The following MTMR8 variants were observed in gnomAD, a reference collection of about 807,000 sequenced individuals.
MTMR8 encodes the protein phosphatidylinositol-3,5-bisphosphate 3-phosphatase MTMR8.
A neutral mutation model predicts 39.3 loss-of-function variants in MTMR8; 65 were observed. The ratio of observed to expected loss-of-function variants is 1.65; its 90% CI spans 1.35 to 2.03. MTMR8 has a LOEUF of 2.03. Among genes scored for constraint, MTMR8 ranks in the 30% most tolerant of loss-of-function variants. The pLI, the probability that MTMR8 is intolerant of heterozygous loss-of-function variation, is 0.00. For missense variants in MTMR8, 777 were observed against 538.9 expected, an observed-to-expected ratio of 1.44 and a Z score of -4.37; for synonymous variants, 245 against 185.2, an observed-to-expected ratio of 1.32 and a Z score of -2.62.
chrX:64,340,288 A>G (rs1173146423), intron 8 of MTMR8, among the ~76,000 whole-genome samples: 1 of 112,329 alleles, frequency 8.9e-6, no homozygotes, highest in Admixed American at 9.4e-5. Flanking sequence ...TGGAATTATA[A>G]AAAGTCCAAA....
chrX:64,269,328 A>T (rs914048967), intron 13 of MTMR8, among the ~76,000 whole-genome samples: 1 of 111,607 alleles, frequency 9.0e-6, no homozygotes, highest in East Asian at 2.8e-4. Flanking sequence ...AACATCACTA[A>T]TATTTATTGA....
chrX:64,389,947 G>A, intron 1 of MTMR8, among the ~76,000 whole-genome samples: 1 of 111,871 alleles, frequency 8.9e-6, no homozygotes, highest in South Asian at 3.8e-4. Flanking sequence ...TCACAGTGAA[G>A]CCAACTGGAG....
At chrX:64,304,860 T>TTATATATATATATATATATA (rs751399962) in intron 12 of MTMR8, among the ~76,000 whole-genome samples, 2 of 28,564 alleles carry the variant, frequency 7.0e-5, no homozygotes, top group Non-Finnish European at 8.7e-5. Flanking sequence ...GATCAAACAT[T>TTATATATATATATATATATA]TATATATATA....
intron 12 of MTMR8, among the ~76,000 whole-genome samples, chrX:64,318,928 G>T (rs943374630): frequency 2.7e-5 from 3 of 110,897 alleles, no homozygotes; most frequent in Admixed American, 9.6e-5. Context: ...TGATCCACCC[G>T]CCTTGGCCTT....
intron 1 of MTMR8, among the ~76,000 whole-genome samples, chrX:64,366,088 A>G: frequency 8.9e-6 from 1 of 112,250 alleles, no homozygotes; most frequent in Non-Finnish European, 1.9e-5. Flanking sequence ...CAATACGGGA[A>G]CACCCAGATT....
chrX:64,331,822 T>C (rs1922950535), intron 10 of MTMR8, 65 bp from the exon 11 acceptor site: 5 of 969,033 alleles, frequency 5.2e-6, no homozygotes, highest in Non-Finnish European at 5.8e-6. Flanking sequence ...CTGTTGGGAA[T>C]AGGCTGTAAG....
At chrX:64,320,391 C>T (rs1922604838) in intron 12 of MTMR8, among the ~76,000 whole-genome samples, 1 of 110,515 alleles carries the variant, frequency 9.0e-6, no homozygotes, top group African/African-American at 3.3e-5. Context: ...ATGTGGCTCG[C>T]TGCTGCAAGG....
chrX:64,329,661 C>A (rs745355347), intron 11 of MTMR8, among the ~76,000 whole-genome samples: 23 of 110,916 alleles, frequency 2.1e-4, no homozygotes, highest in Admixed American at 3.9e-4. Context: ...GCACACACAC[C>A]ATGTCAAAGG....
At chrX:64,348,580 A>T in intron 6 of MTMR8, 80 bp downstream of exon 6, 1 of 1,115,738 alleles carries the variant, frequency 9.0e-7, no homozygotes, top group South Asian at 2.0e-5. Context: ...AACTTTCCCA[A>T]TAACACTGCA....
At chrX:64,337,448 G>A in intron 8 of MTMR8, 55 bp from the exon 9 acceptor site, 1 of 1,168,693 alleles carries the variant, frequency 8.6e-7, no homozygotes, top group Non-Finnish European at 1.2e-6. Flanking sequence ...CAGCTTGTTG[G>A]ATTAAAGAGT....
intron 7 of MTMR8, among the ~76,000 whole-genome samples, chrX:64,343,935 A>G (rs1488499751): frequency 9.0e-6 from 1 of 110,981 alleles, no homozygotes; most frequent in Non-Finnish European, 1.9e-5. Context: ...TGTAGAACCC[A>G]CTCTCAAGCC....
intron 12 of MTMR8, among the ~76,000 whole-genome samples, chrX:64,313,945 A>G (rs1158864460): frequency 4.5e-5 from 5 of 111,912 alleles, no homozygotes; most frequent in African/African-American, 6.5e-5. Context: ...TGTCCTTTGG[A>G]TGTTTTTAAA....
intron 1 of MTMR8, among the ~76,000 whole-genome samples, chrX:64,394,520 A>G (rs1309490314): frequency 1.3e-4 from 14 of 111,724 alleles, no homozygotes; most frequent in Non-Finnish European, 1.3e-4. Context: ...GATCAACAGG[A>G]AAAAATAACC....
chrX:64,312,561 T>C (rs1157406766), intron 12 of MTMR8, among the ~76,000 whole-genome samples: 2 of 112,354 alleles, frequency 1.8e-5, no homozygotes, highest in Non-Finnish European at 3.8e-5. Flanking sequence ...CATGACATGA[T>C]TGTATATTTA....
At chrX:64,297,659 G>A (rs1465072142) in intron 12 of MTMR8, among the ~76,000 whole-genome samples, 1 of 97,949 alleles carries the variant, frequency 1.0e-5, no homozygotes, top group Non-Finnish European at 2.1e-5. Context: ...CCTTGCCCAT[G>A]CCTATGTCCT....
At chrX:64,298,247 T>C (rs1248393488) in intron 12 of MTMR8, among the ~76,000 whole-genome samples, 21 of 104,511 alleles carry the variant, frequency 2.0e-4, no homozygotes, top group South Asian at 4.5e-4. Context: ...TTGTATCCTC[T>C]TTTATTTCCT....
intron 12 of MTMR8, among the ~76,000 whole-genome samples, chrX:64,272,425 G>T (rs1164292817): frequency 9.0e-6 from 1 of 110,560 alleles, no homozygotes; most frequent in Non-Finnish European, 1.9e-5. Flanking sequence ...ACTAGAGCAA[G>T]CAGAAAAAAG....
At chrX:64,320,532 G>A (rs947123929) in intron 12 of MTMR8, among the ~76,000 whole-genome samples, 8 of 110,415 alleles carry the variant, frequency 7.2e-5, no homozygotes, top group Non-Finnish European at 1.3e-4. Context: ...AGCTAGAGTG[G>A]CCTTTTTCAT....
intron 12 of MTMR8, among the ~76,000 whole-genome samples, chrX:64,304,673 A>C (rs1383267270): frequency 9.4e-6 from 1 of 106,835 alleles, no homozygotes; most frequent in Non-Finnish European, 1.9e-5. Flanking sequence ...CCTTTTTACT[A>C]TGAACAGCCT....
Sources: gnomAD v4.1 joint callset for allele counts (sites outside exome capture counted in the v4.1 genomes callset) on GRCh38, gnomAD v4.1.1 for gene constraint, MANE v1.5 for transcripts, NCBI Gene and HGNC (gene_info 2026-07-23, HGNC 2026-07-21) for gene names.